RAB18: variants seen among roughly 807,000 people sequenced by gnomAD.
RAB18 encodes the protein RAB18, member RAS oncogene family.
A neutral mutation model predicts 28.5 loss-of-function variants in RAB18; 10 were observed. The observed-to-expected ratio is 0.35, with a 90% CI of 0.22 to 0.60. The LOEUF is 0.60. RAB18 is among the 20% of genes least tolerant of loss of function. The pLI is 0.78. For missense variants in RAB18, 188 were observed against 244.2 expected (o/e 0.77, Z 1.53); for synonymous variants, 93 against 86.9 (o/e 1.07, Z -0.39).
At chr10:27,528,912 T>G (rs896046457) in intron 3 of RAB18, among the ~76,000 whole-genome samples, 3 of 152,134 alleles carry the variant, frequency 2.0e-5, no homozygotes, top group African/African-American at 7.2e-5. Context: ...TGTTGCTGTT[T>G]TACTTATATT....
Position 27,534,011 on chromosome 10 carries a change from A to G in RAB18, c.445+17A>G, listed in dbSNP as rs758621104. On this transcript the variant is annotated intron_variant, in intron 6 of 6. Transcript: ENST00000356940. ...TATTTATAGGTAGGTGTGTGAATGA[A>G]TATCTGTCCTTTCATTATTAATGAG... The G allele has an allele frequency of 3.2e-6, 5 of 1,570,844 alleles. No homozygotes were observed. The highest frequency in any genetic ancestry group is 1.1e-5 in the South Asian group (1 of 90,158).
chr10:27,525,224 G>A (rs985315449), intron 2 of RAB18, among the ~76,000 whole-genome samples: 1 of 152,116 alleles, frequency 6.6e-6, no homozygotes, highest in Non-Finnish European at 1.5e-5. Flanking sequence ...AAAGATGCTT[G>A]TCTGCTCTTG....
In RAB18 at chr10:27,521,781, C is replaced by T. The variant is rs141466942; in HGVS notation, c.125-5047C>T. The stretch of plus-strand genomic sequence containing the variant: ...CCGGTTGATGGGTGCACCAAAATCT[C>T]GGAAATTACCCTAAAGAACTTATCC... On this transcript the variant is annotated intron_variant, in intron 2 of 6. Transcript: ENST00000356940. 3.1e-4 allele frequency among the ~76,000 whole-genome samples: 47 copies of T among 151,958 alleles called. No individual in the cohort carries two copies. In the East Asian group the frequency reaches 8.1e-3, roughly 26 times the overall value.
chr10:27,504,313 A>C lies in RAB18; in HGVS notation c.-57A>C. 1 of 1,518,626 alleles carries C rather than the reference A, an allele frequency of 6.6e-7. No individual in the cohort carries two copies. The allele number at this position is 1,518,626 out of a possible 1,614,324, so 94.1% of individuals were successfully genotyped here. ...GCATGCGCAGCAGCTCACTCTGCTG[A>C]AGGGCTGAGAGGCGCACCCGGGCGG... On this transcript the variant is annotated 5_prime_UTR_variant, in exon 1 of 7. Transcript: ENST00000356940.
At chr10:27,524,367 A>G (rs951817856) in intron 2 of RAB18, among the ~76,000 whole-genome samples, 1 of 152,230 alleles carries the variant, frequency 6.6e-6, no homozygotes, top group Admixed American at 6.5e-5. Context: ...CCTCTTCAAC[A>G]AGATGTGTGC....
At position 27,504,420 on chromosome 10, in the gene RAB18, T is replaced by G; in HGVS notation, c.51T>G (p.Ser17Arg). The G allele has an allele frequency of 6.4e-7, 1 of 1,567,860 alleles. No homozygotes were observed. Among genetic ancestry groups the G allele is most frequent in the Non-Finnish European group, 8.6e-7 (1 of 1,156,206 alleles). ...TTLKILIIGESGVGKSSLLLR... is the reference protein window; with the variant it reads ...TTLKILIIGERGVGKSSLLLR... ...TGAAGATCCTCATCATCGGCGAGAG[T>G]GGGGTGGGCAAGTCCAGGTGAGGCG... The change falls in exon 1 of 7, where the codon AGT becomes AGG. Residue 17 changes from serine (S) to arginine (R), a missense_variant. Physicochemically the swap from Ser to Arg is moderately radical, Grantham distance 110. Coordinates refer to ENST00000356940, the MANE Select transcript of RAB18 (RefSeq NM_021252.5).
intron 1 of RAB18, among the ~76,000 whole-genome samples, chr10:27,506,748 A>G (rs1055701185): frequency 1.3e-5 from 2 of 152,130 alleles, no homozygotes. Flanking sequence ...ACAAGGCATG[A>G]CACCCAACCG....
At chr10:27,529,358 A>G (rs180906053) in intron 3 of RAB18, among the ~76,000 whole-genome samples, 1 of 151,910 alleles carries the variant, frequency 6.6e-6, no homozygotes, top group Admixed American at 6.6e-5. Context: ...TTTCCTCTGT[A>G]TTAGAAATAT....
At chr10:27,510,277 A>G (rs567310209) in intron 2 of RAB18, 45 of 332,148 alleles carry the variant, frequency 1.4e-4, no homozygotes, top group African/African-American at 9.2e-4. Context: ...TGCTACTAAG[A>G]GGAGGGGTTA....
intron 3 of RAB18, chr10:27,531,488 G>C (rs1279611645): frequency 6.5e-7 from 1 of 1,537,848 alleles, no homozygotes; most frequent in South Asian, 1.2e-5. Flanking sequence ...TGGTAGCTAA[G>C]TTGAGGTTTG....
At position 27,539,186 on chromosome 10, in the gene RAB18, T is replaced by G. The variant is rs766573823; in HGVS notation, c.*1135T>G. ...ATTCAGTTTTCTCACCTCTTGCTAT[T>G]GTATATTGTAGATTTTTTTCATTCA... On this transcript the variant is annotated 3_prime_UTR_variant, in exon 7 of 7. Transcript: ENST00000356940. The G allele has an allele frequency of 2.2e-4, 76 of 340,134 alleles. 1 individual carries two copies. Among genetic ancestry groups the G allele is most frequent in the Middle Eastern group, 1.0e-3 (1 of 966 alleles). 21.1% of individuals were successfully genotyped at this position (340,134 alleles called of 1,614,324 possible). A position where few individuals can be genotyped will look rare whatever the true frequency, so the allele number is the denominator to read the frequency against.
At chr10:27,536,296 C>G (rs1394456480) in intron 6 of RAB18, among the ~76,000 whole-genome samples, 1 of 152,146 alleles carries the variant, frequency 6.6e-6, no homozygotes, top group African/African-American at 2.4e-5. Flanking sequence ...AGGTGGCATT[C>G]AAGGTCATGT....
Position 27,542,147 on chromosome 10 carries a change from T to G in RAB18, c.*4096T>G, listed in dbSNP as rs1245270696. On this transcript the variant is annotated 3_prime_UTR_variant, in exon 7 of 7. Coordinates refer to ENST00000356940, the MANE Select transcript of RAB18 (RefSeq NM_021252.5). Reference sequence around the variant, plus strand: ...GTGAGAGGGAGTCTATTGGAGCCCTTGGGAACTTCTGGATCAAATTGGACC... The same window carrying G: ...GTGAGAGGGAGTCTATTGGAGCCCTGGGGAACTTCTGGATCAAATTGGACC... 2.2e-6 allele frequency: 1 copy of G among 454,120 alleles called. No individual in the cohort carries two copies. The highest frequency in any genetic ancestry group is 4.4e-6 in the Non-Finnish European group (1 of 226,788). 28.1% of individuals were successfully genotyped at this position (454,120 alleles called of 1,614,324 possible).
chr10:27,536,729 A>G lies in RAB18; in HGVS notation c.446-1147A>G, dbSNP rs149654031. On this transcript the variant is annotated intron_variant, in intron 6 of 6. Coordinates refer to ENST00000356940, the MANE Select transcript of RAB18 (RefSeq NM_021252.5). ...AACTTGTTTAAAAGAAGAGGAAGTG[A>G]TTAGCAGTATCAGATACCAAAGATG... Among the ~76,000 whole-genome samples, 706 of 152,334 alleles carry G rather than the reference A, an allele frequency of 4.6e-3. 2 individuals carry two copies. Among genetic ancestry groups the G allele is most frequent in the African/African-American group, 0.016 (671 of 41,574 alleles).
chr10:27,520,387 T>C (rs1834521933), intron 2 of RAB18, among the ~76,000 whole-genome samples: 1 of 152,190 alleles, frequency 6.6e-6, no homozygotes, highest in Admixed American at 6.5e-5. Flanking sequence ...TCTTTTTTTT[T>C]TGAAGTTAAT....
chr10:27,525,174 G>A (rs750748924), intron 2 of RAB18, among the ~76,000 whole-genome samples: 13 of 152,270 alleles, frequency 8.5e-5, no homozygotes, highest in East Asian at 1.9e-4. Flanking sequence ...TTCTGGAAGC[G>A]GTGGGTTTCT....
At chr10:27,527,037 A>AG (rs1356255878) in intron 3 of RAB18, 148 bp downstream of exon 3, 1 of 892,828 alleles carries the variant, frequency 1.1e-6, no homozygotes. Flanking sequence ...AAGGATAAAC[A>AG]GTAATGTCTT....
chr10:27,534,197 A>G (rs1293563315), intron 6 of RAB18, among the ~76,000 whole-genome samples: 1 of 152,214 alleles, frequency 6.6e-6, no homozygotes, highest in Non-Finnish European at 1.5e-5. Context: ...GTGAAATCAT[A>G]TTAAAAAACA....
chr10:27,526,930 A>G, intron 3 of RAB18, 41 bp downstream of exon 3: 1 of 1,574,812 alleles, frequency 6.3e-7, no homozygotes, highest in Non-Finnish European at 8.7e-7. Flanking sequence ...ATTAAACTTT[A>G]CTTTTTAAGG....
Sources: allele counts gnomAD v4.1 joint callset (sites outside exome capture counted in the v4.1 genomes callset), GRCh38; gene constraint gnomAD v4.1.1; transcripts MANE v1.5; gene names NCBI Gene and HGNC (gene_info 2026-07-23, HGNC 2026-07-21).